TIPRL: variants seen among roughly 807,000 people sequenced by gnomAD.
TIPRL encodes TIP41-like protein.
A neutral mutation model predicts 32.3 loss-of-function variants in TIPRL; 10 were observed. The observed-to-expected ratio is 0.31, with a 90% CI of 0.19 to 0.52. The LOEUF (loss-of-function observed/expected upper bound fraction) is 0.52, where lower values mean the gene tolerates loss of function less well. Ranked by LOEUF, TIPRL falls within the 20% of genes least tolerant of loss-of-function variation. The pLI is 0.96. For synonymous variants in TIPRL, 100 were observed against 114.0 expected, an observed-to-expected ratio of 0.88 and a Z score of 0.78; for missense variants, 250 against 328.1, an observed-to-expected ratio of 0.76 and a Z score of 1.84.
intron 1 of TIPRL, among the ~76,000 whole-genome samples, chr1:168,179,693 G>A (rs1444563867): frequency 1.3e-5 from 2 of 151,452 alleles, no homozygotes; most frequent in Admixed American, 6.6e-5. Flanking sequence ...GGAGTGATGT[G>A]AGGTCTTTTA....
chr1:168,193,049 A>G (rs2102311625), intron 4 of TIPRL, among the ~76,000 whole-genome samples: 1 of 152,358 alleles, frequency 6.6e-6, no homozygotes, highest in South Asian at 2.1e-4. Context: ...AAGCAGCAAC[A>G]GATTTGTTTT....
At chr1:168,182,656 T>C (rs1464605060) in intron 1 of TIPRL, among the ~76,000 whole-genome samples, 2 of 152,146 alleles carry the variant, frequency 1.3e-5, no homozygotes, top group Admixed American at 6.6e-5. Flanking sequence ...TGGCCTATGT[T>C]TAAGAAACTC....
In TIPRL at chr1:168,200,023, C is replaced by A. The variant is rs771188615; in HGVS notation, c.796C>A (p.Gln266Lys). 1 of 1,612,424 alleles carries A rather than the reference C, an allele frequency of 6.2e-7. No individual in the cohort carries two copies. The highest frequency in any genetic ancestry group is 1.1e-5 in the South Asian group (1 of 90,852). ...ERIDPNPADSQKSTQVE is the reference protein window; with the variant it reads ...ERIDPNPADSKKSTQVE ...AATTGATCCTAACCCAGCAGACTCA[C>A]AAAAAAGTACACAAGTGGAATAAAA... Residue 266 changes from glutamine (Q) to lysine (K), a missense_variant, in exon 7 of 7, where the codon CAA (glutamine) becomes AAA (lysine). Gln to Lys is a moderately conservative substitution (Grantham distance 53, BLOSUM62 1). Transcript: ENST00000367833.
rs529570493 is a variant in TIPRL at position 168,200,776 on chromosome 1, A to G, written c.*730A>G. ...CTTTTTCTTAAATGTGGTTCTACTT[A>G]TACTGATATTTTTAATTTCCATCTT... is the stretch of plus-strand genomic sequence containing the variant. On this transcript the variant is annotated 3_prime_UTR_variant, in exon 7 of 7. Coordinates refer to ENST00000367833, the MANE Select transcript of TIPRL (RefSeq NM_152902.5). 1 of 152,098 alleles carries G rather than the reference A, an allele frequency of 6.6e-6. No homozygotes were observed. The allele number at this position is 152,098 out of a possible 1,614,324, so 9.4% of individuals were successfully genotyped here. A position where few individuals can be genotyped will look rare whatever the true frequency, so the allele number is the denominator to read the frequency against.
chr1:168,193,386 T>C, intron 4 of TIPRL, among the ~76,000 whole-genome samples: 1 of 152,202 alleles, frequency 6.6e-6, no homozygotes, highest in East Asian at 1.9e-4. Context: ...ATATATATCA[T>C]TATTCTAGCA....
chr1:168,184,135 G>T, intron 2 of TIPRL, 54 bp downstream of exon 2: 2 of 1,502,934 alleles, frequency 1.3e-6, no homozygotes, highest in African/African-American at 1.4e-5. Flanking sequence ...TTAAACAAAA[G>T]AGAAAAGACT....
chr1:168,198,416 T>C (rs999641106), intron 5 of TIPRL, among the ~76,000 whole-genome samples: 8 of 152,112 alleles, frequency 5.3e-5, no homozygotes, highest in South Asian at 2.1e-4. Context: ...ATGGGAAAAA[T>C]TGAAGTACAA....
intron 2 of TIPRL, 81 bp downstream of exon 2, chr1:168,184,162 A>T: frequency 8.1e-7 from 1 of 1,237,564 alleles, no homozygotes; most frequent in Non-Finnish European, 1.1e-6. Context: ...AATATTCAGT[A>T]ATGATACGTG....
At chr1:168,195,559 C>T (rs1264038939) in intron 4 of TIPRL, among the ~76,000 whole-genome samples, 39 of 152,050 alleles carry the variant, frequency 2.6e-4, no homozygotes, top group Non-Finnish European at 7.4e-5. Context: ...AGCAAATGGC[C>T]AAGCATATTC....
intron 3 of TIPRL, among the ~76,000 whole-genome samples, chr1:168,189,580 A>G (rs1243437054): frequency 6.6e-6 from 1 of 152,134 alleles, no homozygotes; most frequent in Non-Finnish European, 1.5e-5. Context: ...TCCTGACCTC[A>G]AGTGATCCGG....
rs975010229 is a variant in TIPRL at position 168,182,071 on chromosome 1, C to T, written c.105-1831C>T. On this transcript the variant is annotated intron_variant, in intron 1 of 6. Transcript: ENST00000367833. ...AGAGTAAGACTCCGTCCCCCACCCT[C>T]CGCCAAAAAAAAAAAAATGCCTTTT... 5.8e-5 allele frequency among the ~76,000 whole-genome samples: 7 copies of T among 119,868 alleles called. No individual in the cohort carries two copies. In the Admixed American group the frequency reaches 6.7e-4, roughly 11 times the overall value. The allele number at this position is 119,868 out of a possible 152,430, so 78.6% of individuals were successfully genotyped here. A position where few individuals can be genotyped will look rare whatever the true frequency, so the allele number is the denominator to read the frequency against.
intron 5 of TIPRL, among the ~76,000 whole-genome samples, chr1:168,197,569 G>T (rs536291502): frequency 1.3e-5 from 2 of 152,192 alleles, no homozygotes; most frequent in African/African-American, 4.8e-5. Context: ...GCCCAGGCTG[G>T]AATGCAGTGG....
rs144969766 is a variant in TIPRL, at chr1:168,186,327, C to A, written c.384+1449C>A. ...CTTGGCCAACATAGTGAGACCGCAC[C>A]TCTACTAAAAATGTAAAAATTAGCC... On this transcript the variant is annotated intron_variant, in intron 3 of 6. Transcript: ENST00000367833. 5.0e-3 allele frequency among the ~76,000 whole-genome samples: 752 copies of A among 151,868 alleles called. 6 individuals are homozygous for A. Among genetic ancestry groups the A allele is most frequent in the African/African-American group, 0.017 (713 of 41,430 alleles).
At chr1:168,186,922 A>G (rs1375618478) in intron 3 of TIPRL, among the ~76,000 whole-genome samples, 1 of 152,216 alleles carries the variant, frequency 6.6e-6, no homozygotes, top group African/African-American at 2.4e-5. Context: ...CTCTGCAGAA[A>G]TTTTTAGAGT....
At chr1:168,199,443 G>C (rs1379231623) in intron 6 of TIPRL, among the ~76,000 whole-genome samples, 1 of 151,980 alleles carries the variant, frequency 6.6e-6, no homozygotes, top group Non-Finnish European at 1.5e-5. Flanking sequence ...TAGAACTTAG[G>C]ATTCTATAAT....
At chr1:168,186,449 T>G (rs1396201158) in intron 3 of TIPRL, among the ~76,000 whole-genome samples, 2 of 151,882 alleles carry the variant, frequency 1.3e-5, no homozygotes, top group African/African-American at 4.8e-5. Flanking sequence ...TGATCCGAGA[T>G]CACGCCACTG....
intron 3 of TIPRL, among the ~76,000 whole-genome samples, chr1:168,185,279 ATGCCCTG>A (rs1242666153): frequency 6.6e-6 from 1 of 152,230 alleles, no homozygotes; most frequent in East Asian, 1.9e-4. Context: ...AAGTAGGTTT[ATGCCCTG>A]TCTGCCCTGA....
At chr1:168,184,907 C>A in intron 3 of TIPRL, 29 bp downstream of exon 3, 1 of 1,414,362 alleles carries the variant, frequency 7.1e-7, no homozygotes, top group Non-Finnish European at 9.9e-7. Context: ...TTTCATGAGT[C>A]ATTGATTGTC....
At chr1:168,185,638 C>T (rs1474427583) in intron 3 of TIPRL, among the ~76,000 whole-genome samples, 4 of 150,630 alleles carry the variant, frequency 2.7e-5, no homozygotes, top group Non-Finnish European at 2.9e-5. Flanking sequence ...GGTGTGGTGG[C>T]GCACACCTGT....
Sources: gnomAD v4.1 joint callset for allele counts (sites outside exome capture counted in the v4.1 genomes callset) on GRCh38, gnomAD v4.1.1 for gene constraint, MANE v1.5 for transcripts, NCBI Gene and HGNC (gene_info 2026-07-23, HGNC 2026-07-21) for gene names.